Variants in CTNND2 observed in about 807,000 individuals in gnomAD.
CTNND2 encodes the protein catenin delta-2.
CTNND2 carries 22 observed loss-of-function variants against 144.4 expected under a neutral mutation model. That is an observed-to-expected ratio of 0.15 (90% CI 0.11 to 0.22). The LOEUF (loss-of-function observed/expected upper bound fraction) is 0.22. Among genes scored for constraint, CTNND2 ranks in the 10% least tolerant of loss-of-function variants. The probability of loss-of-function intolerance (pLI) is 1.00; values close to 1 mark genes in which losing one functional copy is unlikely to be tolerated. For synonymous variants in CTNND2, 751 were observed against 695.6 expected, an observed-to-expected ratio of 1.08 and a Z score of -1.25; for missense variants, 1,353 against 1,618.8, an observed-to-expected ratio of 0.84 and a Z score of 2.82.
intron 15 of CTNND2, among the ~76,000 whole-genome samples, chr5:11,084,341 A>C (rs1279824287): frequency 6.6e-6 from 1 of 152,170 alleles, no homozygotes; most frequent in East Asian, 1.9e-4. Context: ...CGACATGCTG[A>C]AACATGACTT....
chr5:11,002,890 C>T (rs1385999938), intron 18 of CTNND2, among the ~76,000 whole-genome samples: 1 of 152,084 alleles, frequency 6.6e-6, no homozygotes, highest in Admixed American at 6.6e-5. Flanking sequence ...CTTCTCTGAC[C>T]CAGGAGCTTC....
At chr5:11,127,209 G>A (rs1754764924) in intron 12 of CTNND2, among the ~76,000 whole-genome samples, 1 of 152,196 alleles carries the variant, frequency 6.6e-6, no homozygotes. Context: ...GTGGACCAAG[G>A]GCAAATCTTG....
At chr5:11,117,963 T>G (rs1753734310) in intron 12 of CTNND2, among the ~76,000 whole-genome samples, 1 of 152,228 alleles carries the variant, frequency 6.6e-6, no homozygotes, top group Non-Finnish European at 1.5e-5. Flanking sequence ...TCTGAAATAT[T>G]TTAGACATCT....
chr5:11,448,084 G>A (rs1764988253), intron 3 of CTNND2, among the ~76,000 whole-genome samples: 1 of 152,160 alleles, frequency 6.6e-6, no homozygotes. Context: ...GAAGGTGAAG[G>A]ATGAGTGGGT....
chr5:11,429,713 G>A, intron 3 of CTNND2, among the ~76,000 whole-genome samples: 1 of 152,142 alleles, frequency 6.6e-6, no homozygotes, highest in East Asian at 1.9e-4. Flanking sequence ...CACCACAGAA[G>A]ATTAGACTTT....
Position 11,098,727 on chromosome 5 carries a change from G to A in CTNND2, c.2485C>T (p.Pro829Ser). The A allele has an allele frequency of 6.2e-7, 1 of 1,614,078 alleles. No homozygotes were observed. The highest frequency in any genetic ancestry group is 8.5e-7 in the Non-Finnish European group (1 of 1,179,970). ...QDQWDGVGPL[P>S]DCAEPPKGIQ... is the part of the protein sequence containing the mutation. ...CCTTTTGGTGGTTCAGCACAGTCTG[G>A]AAGAGGTCCTACTCCATCCCACTGG... The change falls in exon 15 of 22, where the codon CCA (proline) becomes TCA (serine). Residue 829 changes from proline (P) to serine (S), a missense_variant. Physicochemically the swap from Pro to Ser is moderately conservative, Grantham distance 74. Coordinates refer to ENST00000304623, the MANE Select transcript of CTNND2 (RefSeq NM_001332.4).
At chr5:11,779,041 C>A (rs1400552215) in intron 1 of CTNND2, among the ~76,000 whole-genome samples, 1 of 152,160 alleles carries the variant, frequency 6.6e-6, no homozygotes, top group Non-Finnish European at 1.5e-5. Flanking sequence ...AATGCCCCAT[C>A]TTTTTATGGC....
At chr5:11,166,195 T>C (rs1043510630) in intron 11 of CTNND2, among the ~76,000 whole-genome samples, 1 of 152,044 alleles carries the variant, frequency 6.6e-6, no homozygotes, top group African/African-American at 2.4e-5. Flanking sequence ...AGTGACAGTT[T>C]GTGTACCTGG....
chr5:11,871,139 A>G (rs1022944588), intron 1 of CTNND2, among the ~76,000 whole-genome samples: 1 of 152,216 alleles, frequency 6.6e-6, no homozygotes, highest in South Asian at 2.1e-4. Context: ...ACCCCTGCTC[A>G]GAAGGGGGGC....
At chr5:11,761,132 G>A (rs1022184841) in intron 1 of CTNND2, among the ~76,000 whole-genome samples, 5 of 152,014 alleles carry the variant, frequency 3.3e-5, no homozygotes, top group African/African-American at 7.3e-5. Context: ...CTTTTGTTTC[G>A]CCTGGAATCT....
At chr5:11,468,381 C>T (rs1037074501) in intron 3 of CTNND2, among the ~76,000 whole-genome samples, 2 of 152,236 alleles carry the variant, frequency 1.3e-5, no homozygotes, top group Middle Eastern at 3.4e-3. Context: ...TCATTTAGGA[C>T]ACTTTTGGTT....
At position 11,110,900 on chromosome 5, in the gene CTNND2, C is replaced by T; in HGVS notation, c.2421G>A (p.Gly807=). Residue 807 remains glycine (G), a synonymous_variant, in exon 14 of 22, where the codon GGG becomes GGA. Coordinates refer to ENST00000304623, the MANE Select transcript of CTNND2 (RefSeq NM_001332.4). ...EANGKDAESS[G]CWGKKKKKKK... is the part of the protein sequence containing the mutation. ...TTTTCTTCTTCTTCTTGCCCCAGCA[C>T]CCAGAGCTCTCAGCATCCTTGCCAT... is the stretch of plus-strand genomic sequence containing the variant. 6.2e-7 allele frequency: 1 copy of T among 1,614,062 alleles called. No homozygotes were observed. The highest frequency in any genetic ancestry group is 8.5e-7 in the Non-Finnish European group (1 of 1,180,010).
intron 1 of CTNND2, among the ~76,000 whole-genome samples, chr5:11,844,881 GT>G (rs1458256639): frequency 5.9e-5 from 9 of 152,038 alleles, no homozygotes; most frequent in African/African-American, 1.9e-4. Context: ...AAGTCCTGAG[GT>G]TGGCTATACA....
intron 9 of CTNND2, among the ~76,000 whole-genome samples, chr5:11,250,807 G>A (rs1321100516): frequency 5.3e-5 from 8 of 152,014 alleles, no homozygotes; most frequent in Non-Finnish European, 5.9e-5. Flanking sequence ...GTGAGCTACC[G>A]CACCCAGCCC....
intron 14 of CTNND2, among the ~76,000 whole-genome samples, chr5:11,103,996 C>T (rs1324923787): frequency 6.6e-6 from 1 of 152,160 alleles, no homozygotes; most frequent in Non-Finnish European, 1.5e-5. Flanking sequence ...TACACAGCTC[C>T]TCTTTCCACC....
intron 3 of CTNND2, among the ~76,000 whole-genome samples, chr5:11,426,011 G>A (rs899126846): frequency 6.6e-6 from 1 of 152,052 alleles, no homozygotes; most frequent in Non-Finnish European, 1.5e-5. Flanking sequence ...ATCCTATTAG[G>A]TCAGGTTAGC....
intron 3 of CTNND2, among the ~76,000 whole-genome samples, chr5:11,485,380 CGCGCGCGT>C (rs1261529039): frequency 2.7e-5 from 4 of 146,764 alleles, no homozygotes; most frequent in South Asian, 2.2e-4. Flanking sequence ...TGTGTGCGCG[CGCGCGCGT>C]GCGCGCGCAC....
At chr5:11,798,214 A>G (rs1791500471) in intron 1 of CTNND2, among the ~76,000 whole-genome samples, 2 of 149,716 alleles carry the variant, frequency 1.3e-5, no homozygotes, top group South Asian at 2.2e-4. Context: ...GTGAGCTGAG[A>G]TGGTGCCACT....
chr5:11,661,017 T>C (rs920423980), intron 2 of CTNND2, among the ~76,000 whole-genome samples: 3 of 152,176 alleles, frequency 2.0e-5, no homozygotes, highest in South Asian at 2.1e-4. Context: ...GAGTAATATT[T>C]ATCAAAAAAC....
Sources: gnomAD v4.1 joint callset for allele counts (sites outside exome capture counted in the v4.1 genomes callset) on GRCh38, gnomAD v4.1.1 for gene constraint, MANE v1.5 for transcripts, NCBI Gene and HGNC (gene_info 2026-07-23, HGNC 2026-07-21) for gene names.